The following MORN1 variants were observed in gnomAD, a reference collection of about 807,000 sequenced individuals.
MORN1 encodes MORN repeat containing 1.
Under a neutral mutation model 61.9 loss-of-function variants are expected in MORN1, and 67 were observed. That is an observed-to-expected ratio of 1.08 (90% CI 0.89 to 1.33). MORN1 has a LOEUF of 1.33. Among genes scored for constraint, MORN1 ranks in the 40% most tolerant of loss-of-function variants. The pLI, the probability that MORN1 is intolerant of heterozygous loss-of-function variation, is 0.00. For synonymous variants in MORN1, 301 were observed against 292.0 expected (o/e 1.03, Z -0.31); for missense variants, 752 against 691.2 (o/e 1.09, Z -0.99).
intron 10 of MORN1, among the ~76,000 whole-genome samples, chr1:2,353,084 G>A (rs909634229): frequency 1.3e-5 from 2 of 152,258 alleles, no homozygotes; most frequent in African/African-American, 4.8e-5. Flanking sequence ...CAGGCCAGAG[G>A]CTTCAACGGG....
intron 10 of MORN1, among the ~76,000 whole-genome samples, chr1:2,339,710 G>A (rs1034122478): frequency 6.6e-6 from 1 of 151,836 alleles, no homozygotes; most frequent in Non-Finnish European, 1.5e-5. Flanking sequence ...GGTCCCCCTC[G>A]CCCTTCAGTC....
chr1:2,357,495 C>T lies in MORN1; in HGVS notation c.973G>A (p.Gly325Arg), dbSNP rs1240002660. The T allele has an allele frequency of 4.3e-6, 7 of 1,612,792 alleles. No homozygotes were observed. Among genetic ancestry groups the T allele is most frequent in the Non-Finnish European group, 5.1e-6 (6 of 1,179,696 alleles). The change falls in exon 10 of 14, where the codon GGA becomes AGA. Residue 325 changes from glycine (G) to arginine (R), a missense_variant. Coordinates refer to ENST00000378531, the MANE Select transcript of MORN1 (RefSeq NM_024848.3). The surrounding 1 kb of genome is among the most constrained non-coding windows in gnomAD (Gnocchi z 6.3). ...GCACCCAAATGCAGCTCCAGGTCTCCCCTGGGCAGGGGCACGTCGGCTTCT... is the reference window on the plus strand; with the variant it reads ...GCACCCAAATGCAGCTCCAGGTCTCTCCTGGGCAGGGGCACGTCGGCTTCT... ...GAEADVPLPR[G>R]DLELHLGALH...
At chr1:2,375,488 G>C (rs1380108481) in intron 6 of MORN1, 1 of 152,510 alleles carries the variant, frequency 6.6e-6, no homozygotes, top group African/African-American at 2.4e-5. Flanking sequence ...GCTCTCTCTG[G>C]CTGCAGGGAG....
chr1:2,374,292 A>T (rs1416933355), intron 7 of MORN1, among the ~76,000 whole-genome samples, 169 bp downstream of exon 7: 1 of 152,198 alleles, frequency 6.6e-6, no homozygotes, highest in Non-Finnish European at 1.5e-5. Flanking sequence ...CACTTTTGAC[A>T]TCAGATTAGA....
chr1:2,357,369 C>T lies in MORN1; in HGVS notation c.1036+63G>A. On this transcript the variant is annotated intron_variant, in intron 10 of 13. Transcript: ENST00000378531. This position sits in a 1 kb window ranked among gnomAD's most constrained non-coding sequence, Gnocchi z 6.3. ...CTGGTTCTGGGTCCCCATGACCCCACCCCCACCTTGACTGCTGGGCCTGGG... is the reference window on the plus strand; with the variant it reads ...CTGGTTCTGGGTCCCCATGACCCCATCCCCACCTTGACTGCTGGGCCTGGG... 1 of 1,515,330 alleles carries T rather than the reference C, an allele frequency of 6.6e-7. No homozygotes were observed. The highest frequency in any genetic ancestry group is 8.9e-7 in the Non-Finnish European group (1 of 1,122,780). 93.9% of individuals were successfully genotyped at this position (1,515,330 alleles called of 1,614,324 possible).
intron 12 of MORN1, among the ~76,000 whole-genome samples, chr1:2,336,029 T>G (rs1641267402): frequency 6.6e-6 from 1 of 152,006 alleles, no homozygotes; most frequent in Non-Finnish European, 1.5e-5. Context: ...CCCCCCACGG[T>G]GTCCCCGCCT....
chr1:2,369,802 G>A (rs981461512), intron 8 of MORN1, among the ~76,000 whole-genome samples: 1 of 152,170 alleles, frequency 6.6e-6, no homozygotes, highest in Non-Finnish European at 1.5e-5. Context: ...GATGTGTGCT[G>A]AAAGGAACAA....
At position 2,321,597 on chromosome 1, in the gene MORN1, G is replaced by A; in HGVS notation, c.1298-18C>T. ...GTACTCCCCTGCAAGGGGCGGGTGG[G>A]CTGGTCCTCAGCAGGCTCCTGTCCC... is the stretch of plus-strand genomic sequence containing the variant. On this transcript the variant is annotated intron_variant, in intron 13 of 13. Transcript: ENST00000378531. 6.8e-7 allele frequency: 1 copy of A among 1,464,654 alleles called. No homozygotes were observed. Among genetic ancestry groups the A allele is most frequent in the Non-Finnish European group, 9.1e-7 (1 of 1,104,082 alleles). 90.7% of individuals were successfully genotyped at this position (1,464,654 alleles called of 1,614,324 possible). A position where few individuals can be genotyped will look rare whatever the true frequency, so the allele number is the denominator to read the frequency against.
chr1:2,350,100 A>G (rs1358571194), intron 10 of MORN1, among the ~76,000 whole-genome samples: 1 of 152,248 alleles, frequency 6.6e-6, no homozygotes, highest in African/African-American at 2.4e-5. Context: ...AAGGGACACA[A>G]AAGGGTTCTG....
In MORN1 at chr1:2,334,527, C is replaced by A. The variant is rs1641224612; in HGVS notation, c.1250+1942G>T. Among the ~76,000 whole-genome samples the A allele has an allele frequency of 6.6e-6, 1 of 152,154 alleles. No homozygotes were observed. Among genetic ancestry groups the A allele is most frequent in the Admixed American group, 6.5e-5 (1 of 15,292 alleles). ...CCAGCTGCATGGAGAGGCGGGGCTC[C>A]CTTGGGGGAGCAGGCCTGGTTTTGG... On this transcript the variant is annotated intron_variant, in intron 12 of 13. Transcript: ENST00000378531. The surrounding 1 kb of genome is among the most constrained non-coding windows in gnomAD (Gnocchi z 5.4).
In MORN1 at chr1:2,355,312, C is replaced by T. The variant is rs755997372; in HGVS notation, c.1036+2120G>A. 127 of 1,472,614 alleles carry T rather than the reference C, an allele frequency of 8.6e-5. 1 individual carries two copies. Among genetic ancestry groups the T allele is most frequent in the Middle Eastern group, 2.3e-4 (1 of 4,340 alleles). 91.2% of individuals were successfully genotyped at this position (1,472,614 alleles called of 1,614,324 possible). On this transcript the variant is annotated intron_variant, in intron 10 of 13. Transcript: ENST00000378531. ...TGGGCCTGTTGGCCTGAGGCTTGGC[C>T]GCCTTGGCCTCCCGTGGAGTGGCGC...
At chr1:2,340,305 G>A (rs1641368248) in intron 10 of MORN1, among the ~76,000 whole-genome samples, 1 of 152,146 alleles carries the variant, frequency 6.6e-6, no homozygotes, top group South Asian at 2.1e-4. Flanking sequence ...CCCAGCCCTG[G>A]CGGCCAGCAG....
At chr1:2,351,649 C>T (rs949987753) in intron 10 of MORN1, 45 of 343,492 alleles carry the variant, frequency 1.3e-4, no homozygotes, top group South Asian at 3.0e-4. Flanking sequence ...TCTTTAGAAG[C>T]GGAGGGGCCC....
intron 6 of MORN1, chr1:2,375,180 G>A (rs1287511929): frequency 6.6e-6 from 1 of 152,192 alleles, no homozygotes; most frequent in Non-Finnish European, 1.5e-5. Flanking sequence ...AAATTTAAAT[G>A]GTATTTCATT....
At chr1:2,358,334 G>A (rs957360198) in intron 9 of MORN1, among the ~76,000 whole-genome samples, 1 of 152,178 alleles carries the variant, frequency 6.6e-6, no homozygotes, top group Non-Finnish European at 1.5e-5. Context: ...CAGGCCCAGA[G>A]GCTTGGGGGC....
intron 8 of MORN1, among the ~76,000 whole-genome samples, chr1:2,370,609 C>T (rs867322010): frequency 1.6e-4 from 25 of 151,944 alleles, no homozygotes; most frequent in African/African-American, 5.1e-4. Context: ...GACTTATATC[C>T]GCAATAGGTA....
chr1:2,354,492 G>C (rs973906082), intron 10 of MORN1, among the ~76,000 whole-genome samples: 1 of 152,134 alleles, frequency 6.6e-6, no homozygotes, highest in East Asian at 1.9e-4. Flanking sequence ...ACCTGAGCCC[G>C]GGAGGTGGAG....
intron 9 of MORN1, 46 bp downstream of exon 9, chr1:2,358,546 C>T (rs747603162): frequency 6.2e-7 from 1 of 1,612,112 alleles, no homozygotes; most frequent in South Asian, 1.1e-5. Context: ...CCTAAATGAA[C>T]TCAAAACAAA....
rs1642139317 is a variant in MORN1 at position 2,372,267 on chromosome 1, A to G, written c.745+214T>C. On this transcript the variant is annotated intron_variant, in intron 8 of 13. Coordinates refer to ENST00000378531, the MANE Select transcript of MORN1 (RefSeq NM_024848.3). The surrounding 1 kb of genome is among the most constrained non-coding windows in gnomAD (Gnocchi z 5.4). ...CATACAGGAGCACGCACATCACACA[A>G]TATGTGCACACATGCTTGCACACAC... 1.8e-6 allele frequency: 1 copy of G among 545,266 alleles called. No homozygotes were observed. Among genetic ancestry groups the G allele is most frequent in the Admixed American group, 3.2e-5 (1 of 31,710 alleles). The allele number at this position is 545,266 out of a possible 1,614,324, so 33.8% of individuals were successfully genotyped here. A position where few individuals can be genotyped will look rare whatever the true frequency, so the allele number is the denominator to read the frequency against.
Sources: gnomAD v4.1 joint callset for allele counts (sites outside exome capture counted in the v4.1 genomes callset) on GRCh38, gnomAD v4.1.1 for gene constraint, Gnocchi (gnomAD v3.1) non-coding constraint, MANE v1.5 for transcripts, NCBI Gene and HGNC (gene_info 2026-07-23, HGNC 2026-07-21) for gene names.